SLC25A12: variants seen among roughly 807,000 people sequenced by gnomAD.
SLC25A12 encodes electrogenic aspartate/glutamate antiporter SLC25A12, mitochondrial.
In SLC25A12, 32 loss-of-function variants were observed where a neutral mutation model predicts 83.3. That is an observed-to-expected ratio of 0.38 (90% CI 0.29 to 0.52). The LOEUF is 0.52. Ranked by LOEUF, SLC25A12 falls within the 20% of genes least tolerant of loss-of-function variation. SLC25A12 has a pLI of 0.84. For missense variants in SLC25A12, 611 were observed against 835.6 expected (o/e 0.73, Z 3.31); for synonymous variants, 267 against 291.1 (o/e 0.92, Z 0.84).
At chr2:171,885,897 G>A (rs1048303012) in intron 2 of SLC25A12, among the ~76,000 whole-genome samples, 1 of 152,098 alleles carries the variant, frequency 6.6e-6, no homozygotes, top group African/African-American at 2.4e-5. Context: ...TTACTCACTT[G>A]CTCAAAGCTT....
intron 2 of SLC25A12, among the ~76,000 whole-genome samples, chr2:171,887,136 A>G (rs1685838600): frequency 1.3e-5 from 2 of 152,256 alleles, no homozygotes. Flanking sequence ...AATAAAATAC[A>G]TAAACTATTT....
intron 8 of SLC25A12, among the ~76,000 whole-genome samples, chr2:171,827,980 G>A (rs996537669): frequency 1.3e-5 from 2 of 152,086 alleles, no homozygotes; most frequent in Non-Finnish European, 1.5e-5. Flanking sequence ...TTTCCAACAC[G>A]GGACCCTCCA....
chr2:171,827,166 T>C (rs1480786054), intron 8 of SLC25A12, among the ~76,000 whole-genome samples: 1 of 152,124 alleles, frequency 6.6e-6, no homozygotes, highest in African/African-American at 2.4e-5. Context: ...AGTATAGAGA[T>C]TGACTGTCCC....
intron 9 of SLC25A12, among the ~76,000 whole-genome samples, chr2:171,823,199 T>TA (rs1249307548): frequency 6.6e-6 from 1 of 152,222 alleles, no homozygotes; most frequent in Non-Finnish European, 1.5e-5. Flanking sequence ...TATAAGAACT[T>TA]AAGCATATTT....
intron 2 of SLC25A12, among the ~76,000 whole-genome samples, chr2:171,870,214 T>C (rs747325490): frequency 1.8e-4 from 28 of 152,230 alleles, no homozygotes; most frequent in Non-Finnish European, 3.2e-4. Context: ...AATTTTTAAC[T>C]ATGAGAAATT....
At chr2:171,791,333 A>C in intron 15 of SLC25A12, 118 bp downstream of exon 15, 1 of 886,980 alleles carries the variant, frequency 1.1e-6, no homozygotes, top group Admixed American at 1.9e-5. Context: ...AGTGATATTT[A>C]AACTAAGTCA....
At chr2:171,833,874 C>G (rs1573969321) in intron 8 of SLC25A12, 89 bp downstream of exon 8, 1 of 789,322 alleles carries the variant, frequency 1.3e-6, no homozygotes, top group Non-Finnish European at 2.2e-6. Flanking sequence ...GGAAAAAACT[C>G]ATGTTAGAAT....
chr2:171,848,276 CCTG>C (rs759823107), intron 4 of SLC25A12: 1 of 471,138 alleles, frequency 2.1e-6, no homozygotes, highest in Non-Finnish European at 4.4e-6. Context: ...GAGAACTCCT[CCTG>C]TAGGTATACA....
chr2:171,866,808 G>A lies in SLC25A12; in HGVS notation c.209+1873C>T, dbSNP rs1330871590. ...TCCCGGACGGGGCGGCTGGCCTGGC[G>A]GGGGCTGACCCCCACCTCCCTCCCG... On this transcript the variant is annotated intron_variant, in intron 3 of 17. Transcript: ENST00000422440. 3.1e-3 allele frequency among the ~76,000 whole-genome samples: 444 copies of A among 144,042 alleles called. 4 individuals carry two copies. Among genetic ancestry groups the A allele is most frequent in the African/African-American group, 0.011 (408 of 38,490 alleles). 94.5% of individuals were successfully genotyped at this position (144,042 alleles called of 152,430 possible).
In SLC25A12 at chr2:171,837,244, T is replaced by C; in HGVS notation, c.489A>G (p.Arg163=). The change falls in exon 6 of 18, where the codon AGA becomes AGG. Residue 163 remains arginine (R), a synonymous_variant. Transcript: ENST00000422440. The part of the protein sequence containing the change: ...FLQELQLEHA[R]QAFALKDKSK... ...TTTTGTCTTTGAGTGCAAAGGCTTG[T>C]CTTGCATGTTCCAATTGCAGCTCCT... 6.2e-7 allele frequency: 1 copy of C among 1,614,114 alleles called. No individual in the cohort carries two copies. Among genetic ancestry groups the C allele is most frequent in the South Asian group, 1.1e-5 (1 of 91,080 alleles).
chr2:171,851,357 A>G lies in SLC25A12; in HGVS notation c.325+4477T>C, dbSNP rs180774469. Among the ~76,000 whole-genome samples, 20 of 151,678 alleles carry G rather than the reference A, an allele frequency of 1.3e-4. 1 individual carries two copies. Among genetic ancestry groups the G allele is most frequent in the African/African-American group, 4.8e-4 (20 of 41,378 alleles). ...TACAGGTGCCCACCACGCCCGGCTAATTTTTGTATTTTTAGTAGAGACAGG... is the reference window on the plus strand; with the variant it reads ...TACAGGTGCCCACCACGCCCGGCTAGTTTTTGTATTTTTAGTAGAGACAGG... On this transcript the variant is annotated intron_variant, in intron 4 of 17. Transcript: ENST00000422440.
chr2:171,785,921 C>T (rs1316336495), intron 17 of SLC25A12, among the ~76,000 whole-genome samples: 3 of 152,116 alleles, frequency 2.0e-5, no homozygotes, highest in South Asian at 2.1e-4. Context: ...TGAGCCACCA[C>T]ACCCAGGCTG....
intron 5 of SLC25A12, among the ~76,000 whole-genome samples, chr2:171,837,710 A>C (rs1367376251): frequency 6.6e-6 from 1 of 152,178 alleles, no homozygotes; most frequent in Non-Finnish European, 1.5e-5. Flanking sequence ...AAATGTTGCA[A>C]TCAAAGTCTC....
At chr2:171,866,787 G>T (rs1336265427) in intron 3 of SLC25A12, among the ~76,000 whole-genome samples, 1 of 141,514 alleles carries the variant, frequency 7.1e-6, no homozygotes, top group Non-Finnish European at 1.6e-5. Flanking sequence ...CCTCCCTCCC[G>T]GACGGGGCGG....
intron 9 of SLC25A12, among the ~76,000 whole-genome samples, chr2:171,825,001 G>A (rs576024067): frequency 3.4e-4 from 52 of 152,070 alleles, no homozygotes; most frequent in Middle Eastern, 3.4e-3. Flanking sequence ...TAGAGATGGG[G>A]TTTTGCCATG....
At chr2:171,866,787 GGA>G (rs1685327478) in intron 3 of SLC25A12, among the ~76,000 whole-genome samples, 3 of 141,516 alleles carry the variant, frequency 2.1e-5, no homozygotes, top group Admixed American at 2.1e-4. Flanking sequence ...CCTCCCTCCC[GGA>G]CGGGGCGGCT....
intron 3 of SLC25A12, among the ~76,000 whole-genome samples, chr2:171,864,989 GAAATA>G (rs1345575049): frequency 6.6e-6 from 1 of 152,104 alleles, no homozygotes; most frequent in Non-Finnish European, 1.5e-5. Flanking sequence ...AATAAATAGA[GAAATA>G]AATTAATAAA....
chr2:171,821,635 G>A (rs1440106690), intron 9 of SLC25A12, among the ~76,000 whole-genome samples: 1 of 152,060 alleles, frequency 6.6e-6, no homozygotes, highest in African/African-American at 2.4e-5. Context: ...ATCCTCTTTT[G>A]TGAGGTTTCT....
At chr2:171,805,925 A>T (rs971768001) in intron 13 of SLC25A12, among the ~76,000 whole-genome samples, 1 of 152,174 alleles carries the variant, frequency 6.6e-6, no homozygotes, top group African/African-American at 2.4e-5. Context: ...CCTGGGCAAC[A>T]TGATGAAACC....
Sources: gnomAD v4.1 joint callset for allele counts (sites outside exome capture counted in the v4.1 genomes callset) on GRCh38, gnomAD v4.1.1 for gene constraint, MANE v1.5 for transcripts, NCBI Gene and HGNC (gene_info 2026-07-23, HGNC 2026-07-21) for gene names.